Variants in HACE1 observed in about 807,000 individuals in gnomAD.
HACE1 encodes the protein HECT domain and ankyrin repeat containing E3 ubiquitin protein ligase 1.
A neutral mutation model predicts 118.4 loss-of-function variants in HACE1; 73 were observed. That is an observed-to-expected ratio of 0.62 (90% CI 0.51 to 0.75). The LOEUF is 0.75. HACE1 is among the 30% of genes least tolerant of loss of function. HACE1 has a pLI of 0.00. For missense variants in HACE1, 749 were observed against 1,102.2 expected (o/e 0.68, Z 4.54); for synonymous variants, 368 against 374.8 (o/e 0.98, Z 0.21).
chr6:104,833,007 C>T lies in HACE1; in HGVS notation c.534+35G>A, dbSNP rs1480173504. On this transcript the variant is annotated intron_variant, in intron 6 of 23. Transcript: ENST00000262903. ...CATGAAATCAATTTTAAAAAACAAA[C>T]ACATGCAGCTTAAAGTCCTCATGGC... is the stretch of plus-strand genomic sequence containing the variant. The T allele has an allele frequency of 1.9e-6, 3 of 1,592,592 alleles. No homozygotes were observed. The African/African-American group carries it at 4.0e-5, about 21-fold the overall frequency.
intron 17 of HACE1, among the ~76,000 whole-genome samples, chr6:104,775,935 G>A (rs1403508472): frequency 1.3e-5 from 2 of 151,948 alleles, no homozygotes; most frequent in Non-Finnish European, 2.9e-5. Context: ...AAGATTTTTA[G>A]GAAAAACAAG....
At chr6:104,755,273 C>A (rs1288622795) in intron 19 of HACE1, among the ~76,000 whole-genome samples, 1 of 152,012 alleles carries the variant, frequency 6.6e-6, no homozygotes, top group Admixed American at 6.5e-5. Context: ...GCACCAAATT[C>A]AAAAAACAAG....
At chr6:104,739,422 A>G (rs1428722865) in intron 22 of HACE1, among the ~76,000 whole-genome samples, 1 of 152,144 alleles carries the variant, frequency 6.6e-6, no homozygotes, top group Non-Finnish European at 1.5e-5. Flanking sequence ...CAGGAAACCC[A>G]TCTCACGTGC....
At chr6:104,755,714 G>T (rs1425243497) in intron 19 of HACE1, among the ~76,000 whole-genome samples, 1 of 152,164 alleles carries the variant, frequency 6.6e-6, no homozygotes, top group African/African-American at 2.4e-5. Context: ...GAGAAATCAA[G>T]AATTTATCTG....
At chr6:104,809,696 A>G (rs1433440615) in intron 7 of HACE1, among the ~76,000 whole-genome samples, 1 of 150,490 alleles carries the variant, frequency 6.6e-6, no homozygotes, top group Non-Finnish European at 1.5e-5. Context: ...CTGAGGAAAG[A>G]AGAGATTGGA....
chr6:104,736,084 T>C (rs9499940), intron 22 of HACE1, among the ~76,000 whole-genome samples: 34,136 of 151,652 alleles, frequency 0.23, 4,963 homozygotes, highest in African/African-American at 0.42. Flanking sequence ...TGGTTTTTTT[T>C]CTCCTATCTG....
intron 6 of HACE1, among the ~76,000 whole-genome samples, chr6:104,813,679 G>C (rs1771850025): frequency 7.2e-6 from 1 of 138,102 alleles, no homozygotes; most frequent in South Asian, 2.2e-4. Context: ...GTCAAACCAA[G>C]TAGTCAACAA....
At chr6:104,848,793 G>C (rs1387417972) in intron 4 of HACE1, among the ~76,000 whole-genome samples, 1 of 152,032 alleles carries the variant, frequency 6.6e-6, no homozygotes, top group Non-Finnish European at 1.5e-5. Context: ...CTAAAATAGA[G>C]ATGAAAATTA....
chr6:104,800,843 A>T (rs1278272501), intron 7 of HACE1, among the ~76,000 whole-genome samples: 1 of 152,212 alleles, frequency 6.6e-6, no homozygotes, highest in Non-Finnish European at 1.5e-5. Context: ...CCAGCAATGG[A>T]ACAAAGTTGG....
rs920111253 is a variant in HACE1 at position 104,784,324 on chromosome 6, T to C, written c.1478+93A>G. 4 of 939,976 alleles carry C rather than the reference T, an allele frequency of 4.3e-6. No individual in the cohort carries two copies. The African/African-American group carries it at 4.9e-5, about 11-fold the overall frequency. The allele number at this position is 939,976 out of a possible 1,614,324, so 58.2% of individuals were successfully genotyped here. On this transcript the variant is annotated intron_variant, in intron 13 of 23. Coordinates refer to ENST00000262903, the MANE Select transcript of HACE1 (RefSeq NM_020771.4). ...CATTTGTTATTGAGCATATTTTGAATAGTACGAGAAATAGTATTTTTTCTG... is the reference window on the plus strand; with the variant it reads ...CATTTGTTATTGAGCATATTTTGAACAGTACGAGAAATAGTATTTTTTCTG...
chr6:104,793,021 C>A (rs555934595), intron 10 of HACE1, among the ~76,000 whole-genome samples: 68 of 152,250 alleles, frequency 4.5e-4, no homozygotes, highest in Non-Finnish European at 4.4e-5. Context: ...GTAATCCCAG[C>A]ACTTTGGGAG....
In HACE1 at chr6:104,744,585, T is replaced by G; in HGVS notation, c.2369A>C (p.Glu790Ala). The G allele has an allele frequency of 1.2e-6, 2 of 1,601,768 alleles. No homozygotes were observed. The highest frequency in any genetic ancestry group is 1.7e-6 in the Non-Finnish European group (2 of 1,168,988). Residue 790 changes from glutamate to alanine, a missense_variant, in exon 21 of 24, where the codon GAA becomes GCA. Around this residue, in one of 5 missense-constraint regions of HACE1, gnomAD observed 165 missense variants for 229.9 expected, o/e 0.72. Transcript: ENST00000262903. ...ELELLLSGMPEIDVSDWIKNT... is the reference protein window; with the variant it reads ...ELELLLSGMPAIDVSDWIKNT... ...TTTTATCCAATCACTCACATCAATT[T>G]CTGGCATGCCAGAAAGCAGTAGCTC...
At chr6:104,773,699 G>A (rs1294610437) in intron 17 of HACE1, among the ~76,000 whole-genome samples, 1 of 151,168 alleles carries the variant, frequency 6.6e-6, no homozygotes, top group Non-Finnish European at 1.5e-5. Context: ...CCCTAGCTCT[G>A]TGTTTAATTC....
rs142463116 is a variant in HACE1 at position 104,852,228 on chromosome 6, T to TGTGTGTGTGTGCGC, written c.131+88_131+89insGCGCACACACACAC. On this transcript the variant is annotated intron_variant, in intron 2 of 23. Coordinates refer to ENST00000262903, the MANE Select transcript of HACE1 (RefSeq NM_020771.4). ...GTGTGTGTGTGTGTGTGTGTGTGTGTGCGCGCGTGCGCGTGCACGGGCATG... is the reference window on the plus strand; with the variant it reads ...GTGTGTGTGTGTGTGTGTGTGTGTGTGTGTGTGTGTGCGCGCGCGCGTGCGCGTGCACGGGCATG... 354 of 661,228 alleles carry TGTGTGTGTGTGCGC rather than the reference T, an allele frequency of 5.4e-4. 2 individuals carry two copies. In the African/African-American group the frequency reaches 8.3e-3, roughly 16 times the overall value. 41.0% of individuals were successfully genotyped at this position (661,228 alleles called of 1,614,324 possible).
At chr6:104,729,790 T>A in intron 23 of HACE1, 26 bp from the exon 24 acceptor site, 1 of 937,712 alleles carries the variant, frequency 1.1e-6, no homozygotes, top group Non-Finnish European at 1.8e-6. Flanking sequence ...ATACCACCAT[T>A]AAACAGGAAA....
At chr6:104,789,538 T>C (rs1359695008) in intron 11 of HACE1, among the ~76,000 whole-genome samples, 1 of 152,118 alleles carries the variant, frequency 6.6e-6, no homozygotes, top group South Asian at 2.1e-4. Flanking sequence ...AAAACAGATA[T>C]CCTTTTCTAC....
intron 22 of HACE1, 186 bp from the exon 23 acceptor site, chr6:104,730,602 T>C (rs1430189314): frequency 1.0e-5 from 6 of 584,506 alleles, no homozygotes. Context: ...CAAGCTTCCA[T>C]GGAGACACCC....
intron 19 of HACE1, among the ~76,000 whole-genome samples, chr6:104,755,550 T>C (rs1296236521): frequency 6.6e-6 from 1 of 152,144 alleles, no homozygotes; most frequent in Non-Finnish European, 1.5e-5. Context: ...CCTTGGCAAA[T>C]GCAAAAGAAA....
chr6:104,811,214 A>T, intron 7 of HACE1, 97 bp downstream of exon 7: 1 of 241,696 alleles, frequency 4.1e-6, no homozygotes. Flanking sequence ...AGTATTATAT[A>T]CATCTGGAAA....
Sources: gnomAD v4.1 joint callset for allele counts (sites outside exome capture counted in the v4.1 genomes callset) on GRCh38, gnomAD v4.1.1 for gene constraint, gnomAD v4.1.1 regional missense constraint, MANE v1.5 for transcripts, NCBI Gene and HGNC (gene_info 2026-07-23, HGNC 2026-07-21) for gene names.